RGS8: variants seen among roughly 807,000 people sequenced by gnomAD.
The protein encoded by RGS8 is regulator of G protein signaling 8, also known as regulator of G-protein signaling 8.
RGS8 carries 8 observed loss-of-function variants against 21.7 expected under a neutral mutation model. The ratio of observed to expected loss-of-function variants is 0.37; its 90% CI spans 0.22 to 0.66. The LOEUF (loss-of-function observed/expected upper bound fraction) is 0.66, where lower values mean the gene tolerates loss of function less well. Among genes scored for constraint, RGS8 ranks in the 30% least tolerant of loss-of-function variants. The probability of loss-of-function intolerance (pLI) is 0.59; values close to 1 mark genes in which losing one functional copy is unlikely to be tolerated. For synonymous variants in RGS8, 80 were observed against 83.6 expected (o/e 0.96, Z 0.24); for missense variants, 157 against 217.9 (o/e 0.72, Z 1.76).
At chr1:182,700,692 C>T in the RGS8 span, among the ~76,000 whole-genome samples, 4 of 152,240 alleles carry the variant, frequency 2.6e-5, no homozygotes, top group Admixed American at 2.6e-4. Flanking sequence ...TACACAAAAC[C>T]GAACAGCATT....
the RGS8 span, among the ~76,000 whole-genome samples, chr1:182,727,316 T>C: frequency 1.3e-5 from 2 of 152,196 alleles, no homozygotes. Flanking sequence ...GTTGGGAGAA[T>C]TAAATGAGTT....
chr1:182,736,405 A>T, the RGS8 span, among the ~76,000 whole-genome samples: 1 of 152,146 alleles, frequency 6.6e-6, no homozygotes, highest in Non-Finnish European at 1.5e-5. Flanking sequence ...TTTATTTTGC[A>T]TAGGAATCAC....
chr1:182,692,894 A>G, the RGS8 span, among the ~76,000 whole-genome samples: 2 of 152,226 alleles, frequency 1.3e-5, no homozygotes, highest in African/African-American at 4.8e-5. Context: ...TTCCCTATTC[A>G]GTAAATGCTG....
chr1:182,669,803 G>A, intron 2 of RGS8, 51 bp from the exon 4 acceptor site: 1 of 1,485,762 alleles, frequency 6.7e-7, no homozygotes, highest in Non-Finnish European at 9.0e-7. Context: ...TCATCTGACT[G>A]CACTACATTT....
At chr1:182,736,964 G>A in the RGS8 span, among the ~76,000 whole-genome samples, 10 of 152,310 alleles carry the variant, frequency 6.6e-5, no homozygotes, top group Admixed American at 2.0e-4. Flanking sequence ...TAAAACAACA[G>A]AAATCTGTTT....
chr1:182,744,180 C>T, the RGS8 span, among the ~76,000 whole-genome samples: 129 of 152,206 alleles, frequency 8.5e-4, 2 homozygotes, highest in African/African-American at 2.9e-3. Flanking sequence ...TTTTTTGAGA[C>T]AGGGTCTTAC....
chr1:182,663,373 C>T (rs773794433), intron 5 of RGS8, among the ~76,000 whole-genome samples: 4 of 152,166 alleles, frequency 2.6e-5, no homozygotes, highest in Non-Finnish European at 4.4e-5. Context: ...AATAAAGACC[C>T]TTTCTTTTCG....
chr1:182,669,122 A>G (rs1012630635), intron 3 of RGS8, among the ~76,000 whole-genome samples: 5 of 152,276 alleles, frequency 3.3e-5, no homozygotes, highest in African/African-American at 1.2e-4. Context: ...AAAATCTTCA[A>G]CAAAATATTC....
At chr1:182,672,717 C>A (rs762074235), upstream of RGS8, 151 of 1,399,822 alleles carry the variant, frequency 1.1e-4, 1 homozygote, top group Middle Eastern at 3.5e-4. Context: ...CCCCTACTTG[C>A]ATTTGTTATG....
intron 5 of RGS8, among the ~76,000 whole-genome samples, chr1:182,651,858 T>C (rs1663034889): frequency 6.6e-6 from 1 of 152,328 alleles, no homozygotes; most frequent in Middle Eastern, 3.4e-3. Context: ...GGAGGTTTTC[T>C]CCTTGAAGGA....
chr1:182,672,305 A>G (rs911552999), upstream of RGS8: 2 of 176,796 alleles, frequency 1.1e-5, no homozygotes, highest in Non-Finnish European at 2.4e-5. Context: ...CAAATCTCCT[A>G]ATGAGCCAGG....
the RGS8 span, among the ~76,000 whole-genome samples, chr1:182,690,603 A>G: frequency 6.6e-6 from 1 of 152,168 alleles, no homozygotes; most frequent in African/African-American, 2.4e-5. Flanking sequence ...TTTGTTCCCA[A>G]CTCTACAATT....
the RGS8 span, among the ~76,000 whole-genome samples, chr1:182,720,946 C>CAT: frequency 4.9e-5 from 5 of 102,396 alleles, no homozygotes; most frequent in East Asian, 1.5e-3. Context: ...CATATATATA[C>CAT]ATATATACAT....
the RGS8 span, among the ~76,000 whole-genome samples, chr1:182,711,105 G>A: frequency 3.3e-5 from 5 of 152,288 alleles, no homozygotes; most frequent in Non-Finnish European, 5.9e-5. Context: ...CAAGGACCTC[G>A]CTTTGCAAAT....
chr1:182,686,522 T>A (rs181989749), upstream of RGS8, among the ~76,000 whole-genome samples: 1 of 152,024 alleles, frequency 6.6e-6, no homozygotes, highest in Non-Finnish European at 1.5e-5. Context: ...AAGGATAGGG[T>A]GAGCTCAGAA....
chr1:182,701,633 A>G, the RGS8 span, among the ~76,000 whole-genome samples: 1 of 152,216 alleles, frequency 6.6e-6, no homozygotes, highest in Non-Finnish European at 1.5e-5. Context: ...CTTTAGCTGC[A>G]GCCCTGTATC....
chr1:182,732,269 T>TCACACACACACACACA, the RGS8 span, among the ~76,000 whole-genome samples: 1 of 126,356 alleles, frequency 7.9e-6, no homozygotes, highest in African/African-American at 2.9e-5. Context: ...GCTCTCTCTC[T>TCACACACACACACACA]CATACACACA....
At chr1:182,686,047 C>T (rs1242265781), upstream of RGS8, among the ~76,000 whole-genome samples, 1 of 152,152 alleles carries the variant, frequency 6.6e-6, no homozygotes, top group East Asian at 1.9e-4. Context: ...GAGGAGGCGT[C>T]CTCTGGACAC....
intron 1 of RGS8, among the ~76,000 whole-genome samples, chr1:182,681,229 C>T (rs556218497): frequency 6.6e-6 from 1 of 152,198 alleles, no homozygotes; most frequent in South Asian, 2.1e-4. Flanking sequence ...GTTTTCAAAG[C>T]CATGGAGCTG....
Sources: allele counts gnomAD v4.1 joint callset (sites outside exome capture counted in the v4.1 genomes callset), GRCh38; gene constraint gnomAD v4.1.1; transcripts MANE v1.5; gene names NCBI Gene and HGNC (gene_info 2026-07-23, HGNC 2026-07-21).